Variants in ALLC observed in about 807,000 individuals in gnomAD.
ALLC encodes allantoicase, also known as probable inactive allantoicase.
In ALLC, 40 loss-of-function variants were observed where a neutral mutation model predicts 45.0. The observed-to-expected ratio is 0.89, with a 90% CI of 0.69 to 1.16. The LOEUF (loss-of-function observed/expected upper bound fraction) is 1.16. Ranked by LOEUF, ALLC falls within the 50% of genes most tolerant of loss-of-function variation. ALLC has a pLI of 0.00. For synonymous variants in ALLC, 176 were observed against 178.1 expected (o/e 0.99, Z 0.09); for missense variants, 488 against 493.1 (o/e 0.99, Z 0.10).
intron 1 of ALLC, among the ~76,000 whole-genome samples, chr2:3,660,125 T>C (rs559833880): frequency 1.1e-4 from 17 of 152,330 alleles, no homozygotes; most frequent in African/African-American, 3.4e-4. Context: ...GGATCCCTCA[T>C]GAATGGCTTG....
At chr2:3,670,154 C>T (rs954302831) in intron 1 of ALLC, among the ~76,000 whole-genome samples, 1 of 152,176 alleles carries the variant, frequency 6.6e-6, no homozygotes, top group African/African-American at 2.4e-5. Flanking sequence ...TGACCACAGA[C>T]TATGGAAGTG....
At chr2:3,652,291 A>G in the ALLC span, among the ~76,000 whole-genome samples, 1 of 152,250 alleles carries the variant, frequency 6.6e-6, no homozygotes, top group Non-Finnish European at 1.5e-5. Context: ...CTTCCTGTGC[A>G]GAGCCTGGGG....
In ALLC at chr2:3,680,163, C is replaced by T. The variant is rs1412596950; in HGVS notation, c.298+169C>T. ...TGTAGGACCAGGACTCCTAGTAGAG[C>T]GCTCTGTGGTTTTTGATTTGTGGCT... On this transcript the variant is annotated intron_variant, in intron 5 of 11. Transcript: ENST00000252505. The surrounding 1 kb of genome is among the most constrained non-coding windows in gnomAD (Gnocchi z 4.0). Among the ~76,000 whole-genome samples, 1 of 152,188 alleles carries T rather than the reference C, an allele frequency of 6.6e-6. No individual in the cohort carries two copies. The highest frequency in any genetic ancestry group is 1.5e-5 in the Non-Finnish European group (1 of 68,040).
Position 3,700,646 on chromosome 2 carries a change from T to A in ALLC, c.851-866T>A, listed in dbSNP as rs78727328. On this transcript the variant is annotated intron_variant, in intron 10 of 11. Coordinates refer to ENST00000252505, the MANE Select transcript of ALLC (RefSeq NM_018436.4). ...CCACTTATAGCAATAATATAGTAGG[T>A]TATATCAAATACACAAAGCTTAATA... is the stretch of plus-strand genomic sequence containing the variant. Among the ~76,000 whole-genome samples the A allele has an allele frequency of 7.5e-3, 1,145 of 152,240 alleles. 3 individuals carry two copies. The highest frequency in any genetic ancestry group is 0.012 in the Non-Finnish European group (842 of 68,024).
At chr2:3,689,374 C>T (rs550679058) in intron 7 of ALLC, among the ~76,000 whole-genome samples, 1 of 150,846 alleles carries the variant, frequency 6.6e-6, no homozygotes, top group Non-Finnish European at 1.5e-5. Context: ...TTAGTACTGC[C>T]TTTGTTGTAT....
the ALLC span, among the ~76,000 whole-genome samples, chr2:3,653,142 G>C: frequency 6.6e-6 from 1 of 152,212 alleles, no homozygotes; most frequent in Non-Finnish European, 1.5e-5. This position sits in a 1 kb window ranked among gnomAD's most constrained non-coding sequence, Gnocchi z 4.1. Context: ...GCTTCAAAAA[G>C]AGTGGGTGCA....
At chr2:3,649,734 C>T in the ALLC span, among the ~76,000 whole-genome samples, 1 of 152,252 alleles carries the variant, frequency 6.6e-6, no homozygotes, top group African/African-American at 2.4e-5. Flanking sequence ...CGCAGGGCAA[C>T]ACACCCGCAC....
intron 6 of ALLC, among the ~76,000 whole-genome samples, chr2:3,682,358 G>A (rs1667201553): frequency 6.6e-6 from 1 of 152,084 alleles, no homozygotes; most frequent in African/African-American, 2.4e-5. Context: ...CATTTGGAGG[G>A]GTCTGAGATC....
At chr2:3,697,635 CT>C (rs994370129) in intron 10 of ALLC, among the ~76,000 whole-genome samples, 179 bp downstream of exon 10, 30 of 151,408 alleles carry the variant, frequency 2.0e-4, no homozygotes, top group Admixed American at 5.9e-4. Context: ...ATCTATCTAT[CT>C]ATCTATCTAT....
chr2:3,654,537 T>C (rs1666400233), upstream of ALLC, among the ~76,000 whole-genome samples: 1 of 152,202 alleles, frequency 6.6e-6, no homozygotes, highest in Non-Finnish European at 1.5e-5. Flanking sequence ...TTTTTCTAGA[T>C]GAAAGCTAGT....
At chr2:3,679,724 G>C in intron 4 of ALLC, 145 bp from the exon 5 acceptor site, 1 of 1,070,750 alleles carries the variant, frequency 9.3e-7, no homozygotes, top group Non-Finnish European at 1.4e-6. Flanking sequence ...AGTCATATTA[G>C]CTAAGAACCG....
At chr2:3,683,183 C>T (rs1435140994) in intron 7 of ALLC, 109 bp downstream of exon 7, 2 of 1,233,886 alleles carry the variant, frequency 1.6e-6, no homozygotes, top group Non-Finnish European at 1.1e-6. Context: ...ATTGATCTCT[C>T]TAGCATTTCA....
chr2:3,697,293 G>C, intron 9 of ALLC, 55 bp from the exon 10 acceptor site: 1 of 1,395,676 alleles, frequency 7.2e-7, no homozygotes, highest in Non-Finnish European at 1.0e-6. Context: ...TTTCGGGACT[G>C]GTTTCTTGAA....
rs373789752 is a variant in ALLC at position 3,673,012 on chromosome 2, G to A, written c.34-1063G>A. Among the ~76,000 whole-genome samples the A allele has an allele frequency of 5.3e-5, 8 of 152,014 alleles. No homozygotes were observed. The East Asian group carries it at 9.7e-4, about 18-fold the overall frequency. The stretch of plus-strand genomic sequence containing the variant: ...GTGACTGGCACAATGCCAGGGTGCT[G>A]GGGGAGCACATGGACTCCAGCCATG... On this transcript the variant is annotated intron_variant, in intron 2 of 11. Transcript: ENST00000252505.
In ALLC at chr2:3,697,617, G is replaced by GTCTATCTA. The variant is rs201656158; in HGVS notation, c.850+164_850+165insATCTATCT. On this transcript the variant is annotated intron_variant, in intron 10 of 11. Coordinates refer to ENST00000252505, the MANE Select transcript of ALLC (RefSeq NM_018436.4). Reference sequence around the variant, plus strand: ...TACTTTAACCCTTAGAACTCTGTCTGTCTGTCTATCTATCTATCTATCTAT... The same window carrying GTCTATCTA: ...TACTTTAACCCTTAGAACTCTGTCTGTCTATCTATCTGTCTATCTATCTATCTATCTAT... 4.2e-3 allele frequency among the ~76,000 whole-genome samples: 578 copies of GTCTATCTA among 138,670 alleles called. 2 individuals carry two copies. The highest frequency in any genetic ancestry group is 5.6e-3 in the East Asian group (27 of 4,786). 91.0% of individuals were successfully genotyped at this position (138,670 alleles called of 152,430 possible).
At chr2:3,654,933 G>A (rs1275746277), upstream of ALLC, among the ~76,000 whole-genome samples, 2 of 152,238 alleles carry the variant, frequency 1.3e-5, no homozygotes, top group Admixed American at 6.5e-5. Context: ...AAGTTAGCAC[G>A]AATTAGAGGC....
intron 7 of ALLC, among the ~76,000 whole-genome samples, chr2:3,689,777 G>T (rs185630272): frequency 6.6e-6 from 1 of 150,572 alleles, no homozygotes; most frequent in African/African-American, 2.4e-5. Flanking sequence ...CTGTCTGGAC[G>T]ATTTGTCCAT....
upstream of ALLC, among the ~76,000 whole-genome samples, chr2:3,657,047 T>C (rs951574602): frequency 6.6e-6 from 1 of 152,192 alleles, no homozygotes; most frequent in African/African-American, 2.4e-5. Context: ...GCCACGTGCA[T>C]TAATTCATTA....
upstream of ALLC, among the ~76,000 whole-genome samples, chr2:3,657,401 C>T (rs978146549): frequency 2.0e-5 from 3 of 152,206 alleles, no homozygotes; most frequent in East Asian, 3.9e-4. Context: ...CTCCCTGGGA[C>T]GCAGGTTGTC....
Sources: allele counts gnomAD v4.1 joint callset (sites outside exome capture counted in the v4.1 genomes callset), GRCh38; gene constraint gnomAD v4.1.1; non-coding constraint Gnocchi (gnomAD v3.1); transcripts MANE v1.5; gene names NCBI Gene and HGNC (gene_info 2026-07-23, HGNC 2026-07-21).